GIGYF2: variants seen among roughly 807,000 people sequenced by gnomAD.
GIGYF2 encodes GRB10-interacting GYF protein 2.
A neutral mutation model predicts 208.1 loss-of-function variants in GIGYF2; 25 were observed. The observed-to-expected ratio is 0.12, with a 90% CI of 0.09 to 0.17. The LOEUF (loss-of-function observed/expected upper bound fraction) is 0.17, where lower values mean the gene tolerates loss of function less well. GIGYF2 is among the 10% of genes least tolerant of loss of function. The pLI is 1.00. For synonymous variants in GIGYF2, 534 were observed against 543.8 expected (o/e 0.98, Z 0.25); for missense variants, 1,302 against 1,579.4 (o/e 0.82, Z 2.98).
rs767405632 is a variant in GIGYF2, at chr2:232,809,707, A to G, written c.1807-13A>G. On this transcript the variant is annotated splice_polypyrimidine_tract_variant and intron_variant, in intron 15 of 28. Coordinates refer to ENST00000373563, the MANE Select transcript of GIGYF2 (RefSeq NM_001103146.3). ...ATTTAATGGTATTTATTTCCTCACC[A>G]CTTCATTCCTAGGGAGAGCTGGACC... 1.1e-5 allele frequency: 16 copies of G among 1,516,928 alleles called. No homozygotes were observed. The highest frequency in any genetic ancestry group is 3.4e-4 in the Middle Eastern group (2 of 5,886). 94.0% of individuals were successfully genotyped at this position (1,516,928 alleles called of 1,614,324 possible). A position where few individuals can be genotyped will look rare whatever the true frequency, so the allele number is the denominator to read the frequency against.
chr2:232,760,541 T>C lies in GIGYF2; in HGVS notation c.441T>C (p.Phe147=). The C allele has an allele frequency of 2.5e-6, 4 of 1,613,698 alleles. No homozygotes were observed. Among genetic ancestry groups the C allele is most frequent in the Non-Finnish European group, 3.4e-6 (4 of 1,179,762 alleles). Residue 147 remains phenylalanine, a synonymous_variant, in exon 7 of 29, where the codon TTT becomes TTC. Coordinates refer to ENST00000373563, the MANE Select transcript of GIGYF2 (RefSeq NM_001103146.3). ...GTTTTGATGAAGTAGAGGGTGTTTT[T>C]GGTCGAGGAGGTGGCAGAGAAATGC... ...QRSFDEVEGV[F]GRGGGREMHR...
intron 13 of GIGYF2, 128 bp from the exon 14 acceptor site, chr2:232,795,934 C>G (rs1700208276): frequency 5.5e-6 from 4 of 721,730 alleles, no homozygotes; most frequent in Non-Finnish European, 1.0e-5. Context: ...AAGTTACCTG[C>G]TATGTTCTTT....
At chr2:232,798,411 T>A (rs1700290162) in intron 14 of GIGYF2, among the ~76,000 whole-genome samples, 1 of 152,232 alleles carries the variant, frequency 6.6e-6, no homozygotes, top group Non-Finnish European at 1.5e-5. Context: ...TGTTCATTCC[T>A]CTGGGCTAAA....
chr2:232,856,971 C>G lies in GIGYF2; in HGVS notation c.*111C>G, dbSNP rs958861951. On this transcript the variant is annotated 3_prime_UTR_variant, in exon 29 of 29. Transcript: ENST00000373563. ...CTCTTTATCACTCTGCAACAAATCA[C>G]AGAACCGATCATCTCAGGCTTTTTC... 64 of 812,400 alleles carry G rather than the reference C, an allele frequency of 7.9e-5. No individual in the cohort carries two copies. Among genetic ancestry groups the G allele is most frequent in the Non-Finnish European group, 2.0e-5 (9 of 453,336 alleles). The allele number at this position is 812,400 out of a possible 1,614,324, so 50.3% of individuals were successfully genotyped here.
intron 2 of GIGYF2, among the ~76,000 whole-genome samples, chr2:232,728,405 C>T (rs1697305292): frequency 6.6e-6 from 1 of 152,146 alleles, no homozygotes; most frequent in Non-Finnish European, 1.5e-5. Flanking sequence ...ATAATCCAGA[C>T]ATGCATTAAT....
Position 232,720,581 on chromosome 2 carries a change from A to ATTTT in GIGYF2, c.-43-14573_-43-14572insTTTT, listed in dbSNP as rs1331036864. 6.0e-3 allele frequency among the ~76,000 whole-genome samples: 708 copies of ATTTT among 117,882 alleles called. 3 individuals are homozygous for ATTTT. The highest frequency in any genetic ancestry group is 0.018 in the African/African-American group (623 of 33,916). The allele number at this position is 117,882 out of a possible 152,430, so 77.3% of individuals were successfully genotyped here. ...AACAGTGTAATATATATATATATAT[A>ATTTT]TATTTTTGTTTGTTTGTTTGTTTGT... On this transcript the variant is annotated intron_variant, in intron 2 of 28. Transcript: ENST00000373563.
chr2:232,849,799 G>A (rs1265604716), intron 27 of GIGYF2, among the ~76,000 whole-genome samples: 1 of 152,190 alleles, frequency 6.6e-6, no homozygotes, highest in African/African-American at 2.4e-5. Context: ...TTCTGGGATT[G>A]CTGATAGGAA....
intron 21 of GIGYF2, chr2:232,828,839 C>A: frequency 6.6e-6 from 1 of 152,278 alleles, no homozygotes; most frequent in South Asian, 2.1e-4. Context: ...TTCCTGGCCT[C>A]AAACAATCCT....
intron 1 of GIGYF2, among the ~76,000 whole-genome samples, chr2:232,700,188 G>C (rs1041944812): frequency 6.6e-6 from 1 of 152,178 alleles, no homozygotes; most frequent in Admixed American, 6.5e-5. Flanking sequence ...GCAACTCCTT[G>C]GCTAAAAGGG....
At chr2:232,712,229 C>T (rs1696453997) in intron 2 of GIGYF2, among the ~76,000 whole-genome samples, 1 of 152,106 alleles carries the variant, frequency 6.6e-6, no homozygotes, top group African/African-American at 2.4e-5. Flanking sequence ...TGCAGCTATT[C>T]TTTCAAGTCA....
In GIGYF2 at chr2:232,844,081, T is replaced by TCAGCAG. The variant is rs762375096; in HGVS notation, c.2934_2939dup (p.Gln983_Gln984dup). The TCAGCAG allele has an allele frequency of 1.2e-6, 2 of 1,609,484 alleles. No homozygotes were observed. The highest frequency in any genetic ancestry group is 1.7e-6 in the Non-Finnish European group (2 of 1,177,014). ...AGCAGAGGGAGTTGATGAAAGCTCT[T>TCAGCAG]CAGCAGCAGCAGCAACAGCAACAGC... On this transcript the variant is annotated inframe_insertion, in exon 24 of 29. Coordinates refer to ENST00000373563, the MANE Select transcript of GIGYF2 (RefSeq NM_001103146.3).
chr2:232,717,072 C>T (rs887184429), intron 2 of GIGYF2, among the ~76,000 whole-genome samples: 2 of 152,036 alleles, frequency 1.3e-5, no homozygotes, highest in African/African-American at 4.8e-5. Context: ...CCTCGGCTTC[C>T]CAAAGTCCTG....
rs774965760 is a variant in GIGYF2 at position 232,761,386 on chromosome 2, T to C, written c.492-10T>C. The C allele has an allele frequency of 6.3e-7, 1 of 1,594,428 alleles. No individual in the cohort carries two copies. Among genetic ancestry groups the C allele is most frequent in the South Asian group, 1.1e-5 (1 of 90,668 alleles). On this transcript the variant is annotated splice_polypyrimidine_tract_variant and intron_variant, in intron 7 of 28. Transcript: ENST00000373563. Reference sequence around the variant, plus strand: ...GAGACTTTGTTTGAAACTTATTTTTTCTTTTCCAGGGGTGACAGACGTTTT... The same window carrying C: ...GAGACTTTGTTTGAAACTTATTTTTCCTTTTCCAGGGGTGACAGACGTTTT...
intron 14 of GIGYF2, among the ~76,000 whole-genome samples, chr2:232,798,330 T>C (rs1203498774): frequency 6.6e-6 from 1 of 152,254 alleles, no homozygotes; most frequent in Non-Finnish European, 1.5e-5. Flanking sequence ...ATCTGGGTTG[T>C]TAAAGTTTTG....
At position 232,856,888 on chromosome 2, in the gene GIGYF2, C is replaced by T. The variant is rs1202609801; in HGVS notation, c.*28C>T. 7 of 1,501,742 alleles carry T rather than the reference C, an allele frequency of 4.7e-6. No individual in the cohort carries two copies. The highest frequency in any genetic ancestry group is 6.5e-6 in the Non-Finnish European group (7 of 1,077,198). 93.0% of individuals were successfully genotyped at this position (1,501,742 alleles called of 1,614,324 possible). On this transcript the variant is annotated 3_prime_UTR_variant, in exon 29 of 29. Transcript: ENST00000373563. ...ACCTGCCAGTGGACTGGCCATCCCT[C>T]TCCTGTCTGCCGACTATGGAGTCTC...
At chr2:232,774,616 A>T (rs1699434158) in intron 8 of GIGYF2, among the ~76,000 whole-genome samples, 1 of 152,198 alleles carries the variant, frequency 6.6e-6, no homozygotes. Context: ...ATGAAAGGAT[A>T]GTTGGTTGCC....
chr2:232,718,178 A>C (rs1441627853), intron 2 of GIGYF2, among the ~76,000 whole-genome samples: 1 of 151,696 alleles, frequency 6.6e-6, no homozygotes, highest in Non-Finnish European at 1.5e-5. Flanking sequence ...CCTCACTGCA[A>C]CCTCCACCTC....
chr2:232,796,094 C>T lies in GIGYF2; in HGVS notation c.1512C>T (p.Asp504=), dbSNP rs1700214418. ...QAEKMVAYLQ[D]SALDDERLAS... ...AGAAAATGGTGGCTTATCTCCAAGA[C>T]AGTGCACTAGATGATGAAAGATTGG... Residue 504 remains aspartate (D), a synonymous_variant, in exon 14 of 29, where the codon GAC becomes GAT. Coordinates refer to ENST00000373563, the MANE Select transcript of GIGYF2 (RefSeq NM_001103146.3). The T allele has an allele frequency of 6.2e-7, 1 of 1,610,990 alleles. No homozygotes were observed. The highest frequency in any genetic ancestry group is 1.7e-5 in the Admixed American group (1 of 59,986).
At chr2:232,728,314 T>C (rs993731695) in intron 2 of GIGYF2, among the ~76,000 whole-genome samples, 2 of 152,082 alleles carry the variant, frequency 1.3e-5, no homozygotes, top group African/African-American at 4.8e-5. Context: ...TTTAGAGGAG[T>C]GTAGGCCATG....
Sources: allele counts gnomAD v4.1 joint callset (sites outside exome capture counted in the v4.1 genomes callset), GRCh38; gene constraint gnomAD v4.1.1; transcripts MANE v1.5; gene names NCBI Gene and HGNC (gene_info 2026-07-23, HGNC 2026-07-21).